The following SRFBP1 variants were observed in gnomAD, a reference collection of about 807,000 sequenced individuals.
The protein encoded by SRFBP1 is serum response factor-binding protein 1.
A neutral mutation model predicts 45.5 loss-of-function variants in SRFBP1; 47 were observed. The observed-to-expected ratio is 1.03, with a 90% confidence interval of 0.82 to 1.32. The LOEUF is 1.32. SRFBP1 is among the 40% of genes most tolerant of loss of function. The probability of loss-of-function intolerance (pLI) is 0.00; values close to 1 mark genes in which losing one functional copy is unlikely to be tolerated. For missense variants in SRFBP1, 621 were observed against 484.6 expected, an observed-to-expected ratio of 1.28 and a Z score of -2.64; for synonymous variants, 203 against 166.3, an observed-to-expected ratio of 1.22 and a Z score of -1.70.
chr5:122,022,434 C>T (rs1259856886), intron 7 of SRFBP1, 27 bp downstream of exon 7: 1 of 1,594,176 alleles, frequency 6.3e-7, no homozygotes, highest in Non-Finnish European at 8.6e-7. Flanking sequence ...GCCTGACCTT[C>T]ATATGCAATT....
chr5:121,982,144 G>A (rs1198964629), intron 3 of SRFBP1, among the ~76,000 whole-genome samples: 1 of 151,900 alleles, frequency 6.6e-6, no homozygotes, highest in East Asian at 1.9e-4. Flanking sequence ...AGTCACCTTA[G>A]CCAATGCCCT....
intron 4 of SRFBP1, among the ~76,000 whole-genome samples, chr5:121,994,986 A>G (rs1250710935): frequency 6.6e-6 from 1 of 151,026 alleles, no homozygotes; most frequent in East Asian, 1.9e-4. Context: ...TAACTATCCT[A>G]AATATATATG....
chr5:122,013,402 A>T (rs987441495), intron 4 of SRFBP1, among the ~76,000 whole-genome samples: 1 of 152,168 alleles, frequency 6.6e-6, no homozygotes, highest in Non-Finnish European at 1.5e-5. Context: ...AAGTAGATAC[A>T]GCACATACTT....
intron 1 of SRFBP1, among the ~76,000 whole-genome samples, chr5:121,968,037 T>A (rs1055524201): frequency 2.0e-5 from 3 of 152,142 alleles, no homozygotes; most frequent in African/African-American, 7.2e-5. Flanking sequence ...GTTTTTCTCT[T>A]ATATATTTTT....
At chr5:121,979,837 G>A (rs962294760) in intron 3 of SRFBP1, among the ~76,000 whole-genome samples, 3 of 152,086 alleles carry the variant, frequency 2.0e-5, no homozygotes, top group East Asian at 3.8e-4. Context: ...AAACTTCTCC[G>A]TGTAATATCC....
At chr5:122,020,931 C>G in intron 6 of SRFBP1, 129 bp downstream of exon 6, 1 of 819,780 alleles carries the variant, frequency 1.2e-6, no homozygotes, top group Non-Finnish European at 1.8e-6. Context: ...AGACATGGCC[C>G]TCTCCAAGGT....
At chr5:122,062,228 A>C (rs777588565) in intron 2 of SRFBP1, among the ~76,000 whole-genome samples, 20 of 151,976 alleles carry the variant, frequency 1.3e-4, no homozygotes, top group Non-Finnish European at 2.1e-4. Context: ...TGCTTTAGGA[A>C]ATCAATATTG....
chr5:122,068,469 A>G (rs1754361015), intron 2 of SRFBP1, among the ~76,000 whole-genome samples: 1 of 152,120 alleles, frequency 6.6e-6, no homozygotes, highest in African/African-American at 2.4e-5. Flanking sequence ...AACTTCTCAT[A>G]TTGTATCTCT....
chr5:121,973,055 C>G (rs569782324), intron 1 of SRFBP1, among the ~76,000 whole-genome samples: 1 of 151,730 alleles, frequency 6.6e-6, no homozygotes, highest in African/African-American at 2.4e-5. Flanking sequence ...ATGGAAGAGC[C>G]TTAAAGAAAC....
intron 3 of SRFBP1, among the ~76,000 whole-genome samples, chr5:121,987,018 A>G (rs1752531643): frequency 6.6e-6 from 1 of 152,138 alleles, no homozygotes; most frequent in Admixed American, 6.6e-5. Flanking sequence ...TTTAAATACC[A>G]AACTGAAAGT....
rs901378696 is a variant in SRFBP1, at chr5:122,069,871, C to A, written n.312-5444C>A. On this transcript the variant is annotated intron_variant and non_coding_transcript_variant, in intron 2 of 2. Transcript: ENST00000504881. ...CTCCTGAAAACTAAAAACCTTAGTA[C>A]ATTCTCCTTTGCCTTCCATTATTTA... 3 of 629,366 alleles carry A rather than the reference C, an allele frequency of 4.8e-6. 1 individual carries two copies. The highest frequency in any genetic ancestry group is 4.5e-5 in the South Asian group (3 of 66,198). The allele number at this position is 629,366 out of a possible 1,614,324, so 39.0% of individuals were successfully genotyped here. A position where few individuals can be genotyped will look rare whatever the true frequency, so the allele number is the denominator to read the frequency against.
chr5:121,967,699 G>A (rs1219870758), intron 1 of SRFBP1, among the ~76,000 whole-genome samples: 1 of 152,054 alleles, frequency 6.6e-6, no homozygotes, highest in Non-Finnish European at 1.5e-5. Flanking sequence ...GCCAAACATG[G>A]TAGTACGTAC....
At chr5:122,049,088 G>A (rs1233746350) in intron 2 of SRFBP1, among the ~76,000 whole-genome samples, 2 of 151,988 alleles carry the variant, frequency 1.3e-5, no homozygotes, top group Non-Finnish European at 2.9e-5. Context: ...TCTTCTGCTA[G>A]CTTTTGAATG....
At chr5:122,046,811 T>C (rs1753867918) in intron 2 of SRFBP1, among the ~76,000 whole-genome samples, 1 of 152,222 alleles carries the variant, frequency 6.6e-6, no homozygotes, top group Non-Finnish European at 1.5e-5. Context: ...TGATGAGCAG[T>C]TTTTCATGTG....
At position 122,066,589 on chromosome 5, in the gene SRFBP1, T is replaced by C. The variant is rs17352251; in HGVS notation, n.312-8726T>C. On this transcript the variant is annotated intron_variant and non_coding_transcript_variant, in intron 2 of 2. Transcript: ENST00000504881. ...GACTTAAGCGTTCAAAATCCAGTTATGTGCTTTGTTATTGAAAACAGTCCA... is the reference window on the plus strand; with the variant it reads ...GACTTAAGCGTTCAAAATCCAGTTACGTGCTTTGTTATTGAAAACAGTCCA... 18,750 of 570,426 alleles carry C rather than the reference T, an allele frequency of 0.033. 413 individuals are homozygous for C. Among genetic ancestry groups the C allele is most frequent in the Non-Finnish European group, 0.041 (12,864 of 312,408 alleles). 35.3% of individuals were successfully genotyped at this position (570,426 alleles called of 1,614,324 possible). A position where few individuals can be genotyped will look rare whatever the true frequency, so the allele number is the denominator to read the frequency against.
chr5:122,008,502 C>T (rs566995593), intron 4 of SRFBP1, among the ~76,000 whole-genome samples: 6 of 152,242 alleles, frequency 3.9e-5, no homozygotes, highest in Admixed American at 3.3e-4. Context: ...TGGTTTACTG[C>T]CTGGGGTTGG....
chr5:122,077,277 C>A (rs1754665885), downstream of SRFBP1: 2 of 1,588,652 alleles, frequency 1.3e-6, no homozygotes, highest in East Asian at 4.5e-5. The surrounding 1 kb of genome is among the most constrained non-coding windows in gnomAD (Gnocchi z 4.9). Flanking sequence ...GCCCGCCGCG[C>A]CCAGGCAGCC....
In SRFBP1 at chr5:122,058,030, A is replaced by G. The variant is rs537254406; in HGVS notation, n.312-17285A>G. On this transcript the variant is annotated intron_variant and non_coding_transcript_variant, in intron 2 of 2. Transcript: ENST00000504881. ...TTCCTCAAAGTGTAATTATTGCCCA[A>G]GAGGAATTATTTAAGGTTCTTGATA... 3.5e-4 allele frequency among the ~76,000 whole-genome samples: 54 copies of G among 152,208 alleles called. No homozygotes were observed. In the South Asian group the frequency reaches 7.3e-3, roughly 20 times the overall value.
intron 2 of SRFBP1, among the ~76,000 whole-genome samples, chr5:122,044,616 G>A (rs373247488): frequency 9.9e-5 from 15 of 152,074 alleles, no homozygotes; most frequent in African/African-American, 2.4e-4. Context: ...GTGATGTTGA[G>A]CATTTTTTCA....
Sources: gnomAD v4.1 joint callset for allele counts (sites outside exome capture counted in the v4.1 genomes callset) on GRCh38, gnomAD v4.1.1 for gene constraint, Gnocchi (gnomAD v3.1) non-coding constraint, MANE v1.5 for transcripts, NCBI Gene and HGNC (gene_info 2026-07-23, HGNC 2026-07-21) for gene names.